DYNC2I1: variants seen among roughly 807,000 people sequenced by gnomAD.
The protein encoded by DYNC2I1 is dynein 2 intermediate chain 1, also known as cytoplasmic dynein 2 intermediate chain 1.
Under a neutral mutation model 133.4 loss-of-function variants are expected in DYNC2I1, and 89 were observed. That is an observed-to-expected ratio of 0.67 (90% confidence interval 0.56 to 0.80). DYNC2I1 has a LOEUF of 0.80. DYNC2I1 is among the 30% of genes least tolerant of loss of function. The pLI is 0.00. For synonymous variants in DYNC2I1, 504 were observed against 484.3 expected, an observed-to-expected ratio of 1.04 and a Z score of -0.54; for missense variants, 1,291 against 1,314.5, an observed-to-expected ratio of 0.98 and a Z score of 0.28.
At chr7:158,943,439 G>A (rs960456160) in intron 24 of DYNC2I1, among the ~76,000 whole-genome samples, 3 of 152,302 alleles carry the variant, frequency 2.0e-5, no homozygotes, top group East Asian at 3.9e-4. Flanking sequence ...GCTGGAAAAC[G>A]TGCTGTGGAG....
At chr7:158,932,983 C>T (rs1850379082) in intron 21 of DYNC2I1, among the ~76,000 whole-genome samples, 1 of 152,156 alleles carries the variant, frequency 6.6e-6, no homozygotes, top group Non-Finnish European at 1.5e-5. Context: ...CCAGTGAGGA[C>T]AGGCTGAGCT....
At chr7:158,955,523 C>T (rs776420419) in intron 4 of DYNC2I1, among the ~76,000 whole-genome samples, 119 of 152,230 alleles carry the variant, frequency 7.8e-4, no homozygotes, top group Non-Finnish European at 1.5e-3. Flanking sequence ...AACAAACACT[C>T]CCTAAGCATC....
chr7:158,879,935 C>T lies in DYNC2I1; in HGVS notation c.825C>T (p.Asn275=), dbSNP rs370119780. ...TTGATGATGAGAGGCACCAAAGCAA[C>T]GTGGATAGAAAAGAGAAATCGGCAA... ...FHFDDERHQS[N]VDRKEKSAKD... Residue 275 remains asparagine (N), a synonymous_variant, in exon 5 of 25, where the codon AAC becomes AAT. Transcript: ENST00000407559. 3.4e-5 allele frequency: 54 copies of T among 1,608,780 alleles called. No individual in the cohort carries two copies. Among genetic ancestry groups the T allele is most frequent in the East Asian group, 6.7e-5 (3 of 44,854 alleles).
chr7:158,939,337 T>C (rs560674064), intron 23 of DYNC2I1, among the ~76,000 whole-genome samples: 102 of 152,164 alleles, frequency 6.7e-4, no homozygotes, highest in African/African-American at 2.4e-3. Context: ...AGCTAGCTAC[T>C]TGGGAGGCTG....
At chr7:158,846,826 C>T in the DYNC2I1 span, among the ~76,000 whole-genome samples, 1 of 152,106 alleles carries the variant, frequency 6.6e-6, no homozygotes, top group Non-Finnish European at 1.5e-5. Flanking sequence ...GGCTACTTTA[C>T]CTTTTGTTGG....
chr7:158,952,982 A>G (rs1360526451), intron 4 of DYNC2I1, among the ~76,000 whole-genome samples: 1 of 152,184 alleles, frequency 6.6e-6, no homozygotes, highest in Non-Finnish European at 1.5e-5. Flanking sequence ...CTCTGCCAGC[A>G]TCACGCTCCC....
At chr7:158,918,666 A>G in intron 14 of DYNC2I1, 74 bp from the exon 15 acceptor site, 1 of 1,570,436 alleles carries the variant, frequency 6.4e-7, no homozygotes. Flanking sequence ...GATAAGATGA[A>G]AAGGTAATTT....
chr7:158,945,664 C>T lies in DYNC2I1; in HGVS notation c.3086C>T (p.Ser1029Phe), dbSNP rs1331796469. 1.9e-6 allele frequency: 3 copies of T among 1,612,612 alleles called. No homozygotes were observed. The highest frequency in any genetic ancestry group is 8.5e-7 in the Non-Finnish European group (1 of 1,179,418). Reference sequence around the variant, plus strand: ...CTGGTGCTGGCCAGGGCGTCTGGCTCCATCGACATCCAGCACCTGAAGAGG... The same window carrying T: ...CTGGTGCTGGCCAGGGCGTCTGGCTTCATCGACATCCAGCACCTGAAGAGG... ...LALVLARASG[S>F]IDIQHLKRRW... Residue 1029 changes from serine to phenylalanine, a missense_variant, in exon 25 of 25, where the codon TCC (serine) becomes TTC (phenylalanine). Transcript: ENST00000407559. This position sits in a 1 kb window ranked among gnomAD's most constrained non-coding sequence, Gnocchi z 4.1.
chr7:158,897,710 A>AT lies in DYNC2I1; in HGVS notation c.1060-4024dup, dbSNP rs544685599. ...AAAAAGACAGCTTTTGATTTCATTG[A>AT]TTTTTCTCTGTTGATTTCCTATTTT... On this transcript the variant is annotated intron_variant, in intron 8 of 24. Transcript: ENST00000407559. Among the ~76,000 whole-genome samples, 154 of 151,912 alleles carry AT rather than the reference A, an allele frequency of 1.0e-3. 1 individual carries two copies. Among genetic ancestry groups the AT allele is most frequent in the African/African-American group, 3.5e-3 (143 of 41,432 alleles).
intron 1 of DYNC2I1, among the ~76,000 whole-genome samples, chr7:158,868,235 C>T (rs1305750272): frequency 6.6e-6 from 1 of 152,182 alleles, no homozygotes; most frequent in African/African-American, 2.4e-5. Flanking sequence ...TAATAGTCCC[C>T]TCAGATGCTT....
chr7:158,858,824 C>T (rs1423578865), intron 1 of DYNC2I1, among the ~76,000 whole-genome samples: 2 of 78,572 alleles, frequency 2.5e-5, no homozygotes, highest in Non-Finnish European at 4.8e-5. Context: ...CTTTCCTCTC[C>T]CCTCCCCCCT....
At chr7:158,869,728 G>C (rs1584969495) in intron 1 of DYNC2I1, 127 bp from the exon 2 acceptor site, 5 of 659,580 alleles carry the variant, frequency 7.6e-6, no homozygotes, top group Non-Finnish European at 1.3e-5. Flanking sequence ...CCAGGAGGTA[G>C]AGAAGTATTT....
chr7:158,886,905 T>C, intron 6 of DYNC2I1, 116 bp from the exon 7 acceptor site: 1 of 945,956 alleles, frequency 1.1e-6, no homozygotes, highest in East Asian at 2.6e-5. Context: ...CTGGTTGTAG[T>C]AGTTCTTAAT....
chr7:158,926,932 C>A, intron 19 of DYNC2I1, 60 bp from the exon 20 acceptor site: 1 of 1,285,070 alleles, frequency 7.8e-7, no homozygotes, highest in Non-Finnish European at 1.1e-6. Flanking sequence ...CTATGCTTTG[C>A]TTAGGTTGTT....
intron 5 of DYNC2I1, among the ~76,000 whole-genome samples, chr7:158,882,646 G>GTGGA (rs943513636): frequency 2.0e-5 from 3 of 152,152 alleles, no homozygotes; most frequent in African/African-American, 7.2e-5. Flanking sequence ...GCCGAGACAG[G>GTGGA]TGGATCACTT....
chr7:158,955,846 G>A (rs1852185204), intron 4 of DYNC2I1, among the ~76,000 whole-genome samples: 1 of 152,244 alleles, frequency 6.6e-6, no homozygotes, highest in African/African-American at 2.4e-5. Context: ...CCACAAAGCT[G>A]GAGAAGCATG....
At chr7:158,867,436 GGCT>G (rs1563079184) in intron 1 of DYNC2I1, among the ~76,000 whole-genome samples, 2 of 152,198 alleles carry the variant, frequency 1.3e-5, no homozygotes, top group Non-Finnish European at 2.9e-5. Context: ...AAGGAGCTGT[GGCT>G]GCACTGGCAA....
downstream of DYNC2I1, among the ~76,000 whole-genome samples, chr7:158,956,997 T>A (rs1852216157): frequency 2.0e-5 from 3 of 147,194 alleles, no homozygotes; most frequent in South Asian, 6.3e-4. Flanking sequence ...ATGACCAAGT[T>A]CTTTGTTGAT....
At chr7:158,902,052 T>C (rs1846307479) in intron 9 of DYNC2I1, among the ~76,000 whole-genome samples, 1 of 152,196 alleles carries the variant, frequency 6.6e-6, no homozygotes, top group African/African-American at 2.4e-5. Flanking sequence ...TTAAGTGCAG[T>C]GCATAAAAAG....
Sources: allele counts gnomAD v4.1 joint callset (sites outside exome capture counted in the v4.1 genomes callset), GRCh38; gene constraint gnomAD v4.1.1; non-coding constraint Gnocchi (gnomAD v3.1); transcripts MANE v1.5; gene names NCBI Gene and HGNC (gene_info 2026-07-23, HGNC 2026-07-21).